The following XPO1 variants were observed in gnomAD, a reference collection of about 807,000 sequenced individuals.
XPO1 encodes the protein exportin 1.
XPO1 carries 5 observed loss-of-function variants against 133.3 expected under a neutral mutation model. The ratio of observed to expected loss-of-function variants is 0.04; its 90% CI spans 0.02 to 0.08. The LOEUF (loss-of-function observed/expected upper bound fraction) is 0.08. Ranked by LOEUF, XPO1 falls within the 10% of genes least tolerant of loss-of-function variation. XPO1 has a pLI of 1.00. For missense variants in XPO1, 506 were observed against 1,267.5 expected, an observed-to-expected ratio of 0.40 and a Z score of 9.12; for synonymous variants, 419 against 408.2, an observed-to-expected ratio of 1.03 and a Z score of -0.32.
intron 2 of XPO1, among the ~76,000 whole-genome samples, chr2:61,533,125 G>C (rs936943319): frequency 2.0e-5 from 3 of 152,198 alleles, no homozygotes; most frequent in Non-Finnish European, 2.9e-5. Flanking sequence ...GTTGCAGTGA[G>C]CTGAGATAGC....
chr2:61,502,163 T>C (rs931273985), intron 5 of XPO1, 86 bp downstream of exon 5: 8 of 1,535,654 alleles, frequency 5.2e-6, no homozygotes, highest in East Asian at 4.5e-5. Context: ...TGTGTGACTA[T>C]GTGTCTTGAC....
chr2:61,502,136 ATGAC>A, intron 5 of XPO1, 96 bp from the exon 6 acceptor site: 3 of 1,492,258 alleles, frequency 2.0e-6, no homozygotes, highest in South Asian at 1.2e-5. Flanking sequence ...TCTACTGTAA[ATGAC>A]TGACTGTGCA....
chr2:61,506,386 G>A (rs996181610), intron 4 of XPO1, among the ~76,000 whole-genome samples: 1 of 152,160 alleles, frequency 6.6e-6, no homozygotes, highest in African/African-American at 2.4e-5. Flanking sequence ...TCGCGCCACT[G>A]CACTCAAGCC....
chr2:61,522,228 T>C (rs1698729506), intron 4 of XPO1, among the ~76,000 whole-genome samples: 1 of 152,110 alleles, frequency 6.6e-6, no homozygotes, highest in Non-Finnish European at 1.5e-5. Flanking sequence ...AGCTAATTTT[T>C]TAAATTTTTG....
At position 61,496,865 on chromosome 2, in the gene XPO1, T is replaced by C. The variant is rs368726534; in HGVS notation, c.888+14A>G. 2.9e-4 allele frequency: 443 copies of C among 1,544,656 alleles called. 4 individuals carry two copies. The Middle Eastern group carries it at 4.3e-3, about 15-fold the overall frequency. On this transcript the variant is annotated intron_variant, in intron 10 of 24. Coordinates refer to ENST00000401558, the MANE Select transcript of XPO1 (RefSeq NM_003400.4). ...AAAATTATTCAGCCAATTTTCAAGA[T>C]AGTATTATATTACCTGCTTTAGTTG...
intron 4 of XPO1, among the ~76,000 whole-genome samples, chr2:61,508,812 T>C (rs548992733): frequency 6.6e-6 from 1 of 152,364 alleles, no homozygotes; most frequent in African/African-American, 2.4e-5. Context: ...TAGTCAGTGA[T>C]AGTCATGCAG....
At chr2:61,512,808 A>G (rs926886662) in intron 4 of XPO1, among the ~76,000 whole-genome samples, 5 of 152,220 alleles carry the variant, frequency 3.3e-5, no homozygotes, top group Admixed American at 2.0e-4. Context: ...TGGGAGGCTG[A>G]GACTGGCGGA....
At chr2:61,518,573 C>T (rs750774908) in intron 4 of XPO1, among the ~76,000 whole-genome samples, 25 of 151,686 alleles carry the variant, frequency 1.6e-4, no homozygotes, top group Middle Eastern at 3.2e-3. Flanking sequence ...GCCGAGATCA[C>T]GCCACTGCAC....
At chr2:61,535,728 G>T (rs1016346195) in intron 1 of XPO1, among the ~76,000 whole-genome samples, 1 of 152,086 alleles carries the variant, frequency 6.6e-6, no homozygotes, top group East Asian at 1.9e-4. Context: ...AAACTGATGA[G>T]ACTTCAAAAC....
At chr2:61,487,121 C>T (rs1175231991) in intron 19 of XPO1, among the ~76,000 whole-genome samples, 1 of 151,912 alleles carries the variant, frequency 6.6e-6, no homozygotes, top group Non-Finnish European at 1.5e-5. Flanking sequence ...TTCAAGTGAT[C>T]CACCCGCCTC....
Position 61,535,952 on chromosome 2 carries a change from C to G in XPO1, c.-7+1610G>C, listed in dbSNP as rs962094936. Among the ~76,000 whole-genome samples, 6 of 152,316 alleles carry G rather than the reference C, an allele frequency of 3.9e-5. No homozygotes were observed. In the South Asian group the frequency reaches 1.0e-3, roughly 26 times the overall value. On this transcript the variant is annotated intron_variant, in intron 1 of 24. Coordinates refer to ENST00000401558, the MANE Select transcript of XPO1 (RefSeq NM_003400.4). ...AGCAATGTCCACAAAGCACCAAGAT[C>G]CATGTATCAAAAGTTTTCAAATATT...
chr2:61,482,042 T>TTTTTTTTTTTTTTTTG (rs1696395856), intron 23 of XPO1, among the ~76,000 whole-genome samples: 1 of 25,696 alleles, frequency 3.9e-5, no homozygotes, highest in Non-Finnish European at 7.3e-5. Context: ...GCCTTTTTTT[T>TTTTTTTTTTTTTTTTG]TTTTTTTTTT....
chr2:61,489,334 G>A (rs1312039191), intron 17 of XPO1, among the ~76,000 whole-genome samples: 1 of 146,074 alleles, frequency 6.8e-6, no homozygotes, highest in Non-Finnish European at 1.5e-5. Context: ...AACTGCTTGA[G>A]CTCGGGAGGC....
intron 7 of XPO1, among the ~76,000 whole-genome samples, chr2:61,499,369 C>T (rs958439070): frequency 1.3e-5 from 2 of 152,084 alleles, no homozygotes; most frequent in Admixed American, 6.6e-5. Context: ...GCCAAGATTG[C>T]GCTGCTGCAC....
At chr2:61,531,551 T>A (rs1183493292) in intron 2 of XPO1, among the ~76,000 whole-genome samples, 1 of 152,218 alleles carries the variant, frequency 6.6e-6, no homozygotes, top group South Asian at 2.1e-4. Context: ...GGTTTATTTA[T>A]CATACCTTTA....
intron 3 of XPO1, among the ~76,000 whole-genome samples, chr2:61,524,422 T>G (rs544551615): frequency 3.9e-5 from 6 of 152,206 alleles, no homozygotes; most frequent in Non-Finnish European, 7.3e-5. Context: ...TTTCTACAAC[T>G]GTATAAAGGT....
At chr2:61,522,767 C>G in intron 3 of XPO1, 84 bp from the exon 4 acceptor site, 2 of 952,296 alleles carry the variant, frequency 2.1e-6, no homozygotes, top group Non-Finnish European at 3.3e-6. Context: ...CAGACATTCA[C>G]ACATTTACAT....
intron 6 of XPO1, 44 bp downstream of exon 6, chr2:61,501,950 TAA>T: frequency 1.3e-6 from 2 of 1,490,786 alleles, no homozygotes; most frequent in Non-Finnish European, 1.8e-6. Flanking sequence ...TTTGTTCAAA[TAA>T]TAAGCATAAT....
chr2:61,481,066 T>C (rs1696325540), intron 24 of XPO1, 119 bp downstream of exon 24: 1 of 596,942 alleles, frequency 1.7e-6, no homozygotes, highest in Non-Finnish European at 2.8e-6. Flanking sequence ...TGTGTAAACG[T>C]ATTATCTTGA....
Sources: allele counts gnomAD v4.1 joint callset (sites outside exome capture counted in the v4.1 genomes callset), GRCh38; gene constraint gnomAD v4.1.1; transcripts MANE v1.5; gene names NCBI Gene and HGNC (gene_info 2026-07-23, HGNC 2026-07-21).